ASPHD1: variants seen among roughly 807,000 people sequenced by gnomAD.
ASPHD1 encodes the protein aspartate beta-hydroxylase domain containing 1, also known as aspartate beta-hydroxylase domain-containing protein 1.
In ASPHD1, 20 loss-of-function variants were observed where a neutral mutation model predicts 28.3. The observed-to-expected ratio is 0.71, with a 90% CI of 0.50 to 1.03. ASPHD1 has a LOEUF of 1.03. Ranked by LOEUF, ASPHD1 falls within the 50% of genes least tolerant of loss-of-function variation. The pLI is 0.00. For missense variants in ASPHD1, 479 were observed against 524.1 expected (o/e 0.91, Z 0.84); for synonymous variants, 240 against 221.2 (o/e 1.08, Z -0.75).
chr16:29,904,983 C>T lies in ASPHD1; in HGVS notation c.1063+18C>T. 1 of 1,579,180 alleles carries T rather than the reference C, an allele frequency of 6.3e-7. No individual in the cohort carries two copies. The highest frequency in any genetic ancestry group is 8.7e-7 in the Non-Finnish European group (1 of 1,150,324). On this transcript the variant is annotated intron_variant, in intron 2 of 2. Transcript: ENST00000308748. ...TCACAATGGTAACGGGGTGCCCATT[C>T]TGCAGGGGGGATGAGGGACTCAGGA...
At chr16:29,917,875 G>A (rs554749589) in intron 3 of ASPHD1, among the ~76,000 whole-genome samples, 1 of 152,292 alleles carries the variant, frequency 6.6e-6, no homozygotes, top group Admixed American at 6.5e-5. Flanking sequence ...TTGAACCTGG[G>A]AGGTGGAGGT....
rs767363207 is a variant in ASPHD1 at position 29,905,843 on chromosome 16, C to T, written c.1119C>T (p.Asn373=). The T allele has an allele frequency of 9.9e-6, 16 of 1,613,672 alleles. No homozygotes were observed. Among genetic ancestry groups the T allele is most frequent in the African/African-American group, 1.3e-5 (1 of 74,850 alleles). The change falls in exon 3 of 3, where the codon AAC becomes AAT. Residue 373 remains asparagine (N), a synonymous_variant. Coordinates refer to ENST00000308748, the MANE Select transcript of ASPHD1 (RefSeq NM_181718.4). ...TCATCGTGGACCTCTGGCACCCCAA[C>T]GTGGCAGGGGCTGAGCGCCAGGCCC... ...VVFIVDLWHP[N]VAGAERQALD...
chr16:29,913,478 G>C (rs1330968519), intron 3 of ASPHD1: 1 of 152,192 alleles, frequency 6.6e-6, no homozygotes, highest in African/African-American at 2.4e-5. Context: ...ATCTATCACT[G>C]TGTAACAAAC....
At chr16:29,905,604 G>T (rs1447855111) in intron 2 of ASPHD1, among the ~76,000 whole-genome samples, 184 bp from the exon 3 acceptor site, 1 of 143,132 alleles carries the variant, frequency 7.0e-6, no homozygotes, top group Non-Finnish European at 1.5e-5. Flanking sequence ...CTCCAGCCTG[G>T]TGACAGAGCA....
intron 3 of ASPHD1, among the ~76,000 whole-genome samples, chr16:29,916,026 G>A (rs916078389): frequency 6.6e-6 from 1 of 152,026 alleles, no homozygotes; most frequent in African/African-American, 2.4e-5. Flanking sequence ...AAGCCAGGTG[G>A]CACCTTCAAC....
At chr16:29,904,561 T>C (rs2068582915) in intron 1 of ASPHD1, among the ~76,000 whole-genome samples, 1 of 147,534 alleles carries the variant, frequency 6.8e-6, no homozygotes. Flanking sequence ...CAGAGTGAGC[T>C]GAGATCACAC....
chr16:29,908,942 C>G (rs1415025634), downstream of ASPHD1, among the ~76,000 whole-genome samples: 2 of 152,004 alleles, frequency 1.3e-5, no homozygotes, highest in Non-Finnish European at 2.9e-5. Context: ...GGTCCCCTGC[C>G]TCAGCCTCCT....
chr16:29,914,060 C>T (rs1311576244), intron 3 of ASPHD1: 1 of 152,184 alleles, frequency 6.6e-6, no homozygotes, highest in African/African-American at 2.4e-5. Context: ...AAACTCCCGA[C>T]CTCAGGTGAT....
chr16:29,905,741 A>G, intron 2 of ASPHD1, 47 bp from the exon 3 acceptor site: 1 of 1,390,266 alleles, frequency 7.2e-7, no homozygotes, highest in Non-Finnish European at 1.0e-6. Context: ...CTGGTGTGCA[A>G]GTACCTAATG....
At chr16:29,913,672 G>C (rs1480970069) in intron 3 of ASPHD1, 2 of 152,156 alleles carry the variant, frequency 1.3e-5, no homozygotes, top group African/African-American at 2.4e-5. Flanking sequence ...CTCTGAGAAA[G>C]CTTGTTCATG....
chr16:29,918,892 T>C (rs1332783926), intron 3 of ASPHD1, among the ~76,000 whole-genome samples: 1 of 151,276 alleles, frequency 6.6e-6, no homozygotes, highest in Non-Finnish European at 1.5e-5. Context: ...ACTCCTGACC[T>C]TGTGATCCAC....
Position 29,901,635 on chromosome 16 carries a change from C to CGGGACTTCGGGGCTGTGAGCT in ASPHD1, c.673_693dup (p.Gly225_Phe231dup). On this transcript the variant is annotated inframe_insertion, in exon 1 of 3. Coordinates refer to ENST00000308748, the MANE Select transcript of ASPHD1 (RefSeq NM_181718.4). This position sits in a 1 kb window ranked among gnomAD's most constrained non-coding sequence, Gnocchi z 5.1. ...GGAGAGCAGCTTCCCTGCCATTTTGCGGGACTTCGGGGCTGTGAGCTGGGA... is the reference window on the plus strand; with the variant it reads ...GGAGAGCAGCTTCCCTGCCATTTTGCGGGACTTCGGGGCTGTGAGCTGGGACTTCGGGGCTGTGAGCTGGGA... The CGGGACTTCGGGGCTGTGAGCT allele has an allele frequency of 1.9e-6, 3 of 1,568,956 alleles. No homozygotes were observed. Among genetic ancestry groups the CGGGACTTCGGGGCTGTGAGCT allele is most frequent in the Non-Finnish European group, 2.6e-6 (3 of 1,165,340 alleles).
downstream of ASPHD1, among the ~76,000 whole-genome samples, chr16:29,909,972 G>A (rs528330054): frequency 2.6e-5 from 4 of 151,992 alleles, no homozygotes; most frequent in East Asian, 3.9e-4. Flanking sequence ...GGAGGCGGGT[G>A]CCTGTAGTGC....
intron 3 of ASPHD1, chr16:29,913,924 G>C (rs975593452): frequency 6.6e-6 from 1 of 152,206 alleles, no homozygotes; most frequent in African/African-American, 2.4e-5. Flanking sequence ...CCGCCTCCCA[G>C]GTTCAAGTGA....
chr16:29,912,928 A>C (rs2068742592), intron 3 of ASPHD1, among the ~76,000 whole-genome samples: 1 of 152,204 alleles, frequency 6.6e-6, no homozygotes. Context: ...TGGAGAAAGA[A>C]ATCTGAAGCA....
chr16:29,906,367 T>G (rs552101453), downstream of ASPHD1: 1 of 205,056 alleles, frequency 4.9e-6, no homozygotes, highest in African/African-American at 2.4e-5. Flanking sequence ...TTTCAATAAT[T>G]TAATAGAAAA....
chr16:29,911,240 G>T, intron 3 of ASPHD1: 1 of 1,225,810 alleles, frequency 8.2e-7, no homozygotes, highest in East Asian at 2.4e-5. Flanking sequence ...CCCAGAAGAC[G>T]GGCCTGGATG....
chr16:29,905,895 TGAAG>T lies in ASPHD1; in HGVS notation c.*4_*7del, dbSNP rs570694611. The stretch of plus-strand genomic sequence containing the variant: ...CGACTTTGTCTTCGCCCCAGACCCT[TGAAG>T]GAAGGTGCTCCCTTCACACACCCAG... On this transcript the variant is annotated stop_retained_variant and 3_prime_UTR_variant, in exon 3 of 3. Transcript: ENST00000308748. The T allele has an allele frequency of 6.6e-5, 107 of 1,610,514 alleles. No individual in the cohort carries two copies. In the Admixed American group the frequency reaches 1.6e-3, roughly 24 times the overall value.
At chr16:29,900,442 G>T (rs1050076278), upstream of ASPHD1, 8 of 158,598 alleles carry the variant, frequency 5.0e-5, no homozygotes, top group South Asian at 5.2e-4. Context: ...CCGGGCGGGG[G>T]GGGTGGGGAG....
Sources: allele counts gnomAD v4.1 joint callset (sites outside exome capture counted in the v4.1 genomes callset), GRCh38; gene constraint gnomAD v4.1.1; non-coding constraint Gnocchi (gnomAD v3.1); transcripts MANE v1.5; gene names NCBI Gene and HGNC (gene_info 2026-07-23, HGNC 2026-07-21).